The following ADGRB3 variants were observed in gnomAD, a reference collection of about 807,000 sequenced individuals.
The protein encoded by ADGRB3 is adhesion G protein-coupled receptor B3.
In ADGRB3, 37 loss-of-function variants were observed where a neutral mutation model predicts 193.4. The observed-to-expected ratio is 0.19, with a 90% CI of 0.15 to 0.25. The LOEUF is 0.25. ADGRB3 is among the 10% of genes least tolerant of loss of function. ADGRB3 has a pLI of 1.00. For synonymous variants in ADGRB3, 690 were observed against 644.2 expected, an observed-to-expected ratio of 1.07 and a Z score of -1.08; for missense variants, 1,637 against 1,852.9, an observed-to-expected ratio of 0.88 and a Z score of 2.14.
chr6:68,897,468 AGGGAGGGAGGGATG>A (rs1766253803), intron 3 of ADGRB3, among the ~76,000 whole-genome samples: 1 of 18,940 alleles, frequency 5.3e-5, no homozygotes, highest in Non-Finnish European at 1.2e-4. Flanking sequence ...GAGGGAGGAA[AGGGAGGGAGGGATG>A]GAGGAAGGGA....
intron 17 of ADGRB3, among the ~76,000 whole-genome samples, chr6:69,124,228 CTTT>C (rs1184103994): frequency 6.6e-6 from 1 of 152,042 alleles, no homozygotes; most frequent in African/African-American, 2.4e-5. Context: ...AGATTCTGAT[CTTT>C]TTGTGTCCCA....
At chr6:68,998,775 AGAG>A (rs1421634410) in intron 11 of ADGRB3, among the ~76,000 whole-genome samples, 2 of 152,246 alleles carry the variant, frequency 1.3e-5, no homozygotes, top group Non-Finnish European at 2.9e-5. Flanking sequence ...TAGATCTCTA[AGAG>A]GAGAAGTGAA....
chr6:68,697,041 GCTCT>G (rs142649721), intron 3 of ADGRB3, among the ~76,000 whole-genome samples: 1 of 151,510 alleles, frequency 6.6e-6, no homozygotes, highest in Non-Finnish European at 1.5e-5. Context: ...CTAAGAAGAT[GCTCT>G]CTCTCTCTCA....
chr6:69,327,719 T>C, intron 21 of ADGRB3, 101 bp from the exon 22 acceptor site: 1 of 836,602 alleles, frequency 1.2e-6, no homozygotes, highest in Non-Finnish European at 1.8e-6. Context: ...CAAAGATAGT[T>C]TATCTAATTT....
chr6:69,309,793 C>T (rs377534756), intron 20 of ADGRB3, among the ~76,000 whole-genome samples: 2 of 151,720 alleles, frequency 1.3e-5, no homozygotes, highest in South Asian at 2.1e-4. Context: ...CCAATACTAA[C>T]TTTGACTACT....
At chr6:68,733,111 C>T (rs1050276204) in intron 3 of ADGRB3, among the ~76,000 whole-genome samples, 2 of 151,598 alleles carry the variant, frequency 1.3e-5, no homozygotes, top group African/African-American at 4.8e-5. Flanking sequence ...CCTGGCAATT[C>T]CACTACTGTG....
At chr6:68,952,442 G>A (rs555422234) in intron 6 of ADGRB3, among the ~76,000 whole-genome samples, 1 of 151,950 alleles carries the variant, frequency 6.6e-6, no homozygotes, top group Non-Finnish European at 1.5e-5. Flanking sequence ...TCTCCTACCT[G>A]ACTTTTCAAT....
intron 20 of ADGRB3, among the ~76,000 whole-genome samples, chr6:69,263,601 T>C (rs1268341783): frequency 6.6e-6 from 1 of 152,010 alleles, no homozygotes; most frequent in African/African-American, 2.4e-5. Flanking sequence ...GCTTAGAAAC[T>C]GAGGCTAAAT....
chr6:68,965,445 G>GC (rs146658206), intron 8 of ADGRB3, among the ~76,000 whole-genome samples: 1 of 148,640 alleles, frequency 6.7e-6, no homozygotes, highest in Non-Finnish European at 1.5e-5. Flanking sequence ...AGTAGTACAT[G>GC]TTTTTTTTTT....
intron 17 of ADGRB3, among the ~76,000 whole-genome samples, chr6:69,090,295 T>G (rs1283687231): frequency 1.3e-5 from 2 of 152,180 alleles, no homozygotes; most frequent in Admixed American, 6.5e-5. Context: ...TGTCTGTTGT[T>G]GAGCCTGTTT....
At chr6:68,850,326 G>A (rs751899955) in intron 3 of ADGRB3, among the ~76,000 whole-genome samples, 9 of 151,798 alleles carry the variant, frequency 5.9e-5, no homozygotes, top group Non-Finnish European at 1.2e-4. Flanking sequence ...TTTTTTGATA[G>A]CACCTATAGC....
At chr6:69,292,693 G>T (rs1053765586) in intron 20 of ADGRB3, among the ~76,000 whole-genome samples, 1 of 151,886 alleles carries the variant, frequency 6.6e-6, no homozygotes, top group South Asian at 2.1e-4. Flanking sequence ...AGAAGTCAGA[G>T]TACTTCTCTC....
chr6:68,741,553 A>T (rs994786826), intron 3 of ADGRB3, among the ~76,000 whole-genome samples: 1 of 151,956 alleles, frequency 6.6e-6, no homozygotes, highest in Non-Finnish European at 1.5e-5. Context: ...TGCCCAGATA[A>T]ACTTTTGTAG....
intron 16 of ADGRB3, among the ~76,000 whole-genome samples, chr6:69,068,648 G>C (rs1771981477): frequency 6.6e-6 from 1 of 152,124 alleles, no homozygotes; most frequent in Admixed American, 6.6e-5. Flanking sequence ...ATGACAAGTG[G>C]AAAGTATTCC....
At chr6:68,957,044 A>G (rs1461952040) in intron 8 of ADGRB3, among the ~76,000 whole-genome samples, 2 of 152,196 alleles carry the variant, frequency 1.3e-5, no homozygotes, top group Non-Finnish European at 2.9e-5. Context: ...CTTAGGATAT[A>G]TATACTGGAA....
chr6:68,874,913 G>C (rs566760222), intron 3 of ADGRB3, among the ~76,000 whole-genome samples: 2 of 152,162 alleles, frequency 1.3e-5, no homozygotes, highest in Non-Finnish European at 2.9e-5. Context: ...GAGTGCTCTA[G>C]TAGTAGGGCA....
chr6:69,073,335 G>A (rs1187009422), intron 16 of ADGRB3, among the ~76,000 whole-genome samples: 49 of 152,108 alleles, frequency 3.2e-4, no homozygotes, highest in Non-Finnish European at 1.0e-4. Flanking sequence ...ACTACCAGTG[G>A]GGCCCAGCAA....
At chr6:68,721,627 A>AATAAATATAT (rs376077469) in intron 3 of ADGRB3, among the ~76,000 whole-genome samples, 1 of 140,264 alleles carries the variant, frequency 7.1e-6, no homozygotes, top group African/African-American at 2.6e-5. Context: ...AAGTATAATA[A>AATAAATATAT]ATATATATAT....
At chr6:68,926,302 T>G (rs551138586) in intron 3 of ADGRB3, among the ~76,000 whole-genome samples, 1 of 152,266 alleles carries the variant, frequency 6.6e-6, no homozygotes, top group African/African-American at 2.4e-5. Flanking sequence ...TGAAAGTCCA[T>G]TTTTAATTCA....
Sources: allele counts gnomAD v4.1 joint callset (sites outside exome capture counted in the v4.1 genomes callset), GRCh38; gene constraint gnomAD v4.1.1; transcripts MANE v1.5; gene names NCBI Gene and HGNC (gene_info 2026-07-23, HGNC 2026-07-21).